GRHL2: variants seen among roughly 807,000 people sequenced by gnomAD.
GRHL2 encodes the protein grainyhead-like protein 2 homolog.
In GRHL2, 21 loss-of-function variants were observed where a neutral mutation model predicts 83.8. The ratio of observed to expected loss-of-function variants is 0.25; its 90% CI spans 0.18 to 0.36. GRHL2 has a LOEUF of 0.36. Ranked by LOEUF, GRHL2 falls within the 10% of genes least tolerant of loss-of-function variation. The probability of loss-of-function intolerance (pLI) is 1.00; values close to 1 mark genes in which losing one functional copy is unlikely to be tolerated. For missense variants in GRHL2, 623 were observed against 781.8 expected (o/e 0.80, Z 2.42); for synonymous variants, 280 against 278.9 (o/e 1.00, Z -0.04).
intron 13 of GRHL2, among the ~76,000 whole-genome samples, chr8:101,646,584 G>T (rs1018046566): frequency 6.6e-6 from 1 of 152,208 alleles, no homozygotes; most frequent in African/African-American, 2.4e-5. Flanking sequence ...ACAAATAGGG[G>T]AATAAGGCTC....
At chr8:101,651,627 G>A (rs988964806) in intron 14 of GRHL2, among the ~76,000 whole-genome samples, 4 of 152,120 alleles carry the variant, frequency 2.6e-5, no homozygotes, top group African/African-American at 4.8e-5. Context: ...CAGCAGCTCA[G>A]CAACCTCTGC....
the GRHL2 span, among the ~76,000 whole-genome samples, chr8:101,676,490 G>A: frequency 6.6e-6 from 1 of 152,166 alleles, no homozygotes; most frequent in African/African-American, 2.4e-5. Context: ...TCAGAGAAAT[G>A]CACATCAAAA....
intron 15 of GRHL2, among the ~76,000 whole-genome samples, chr8:101,665,233 C>T (rs544364386): frequency 3.2e-4 from 49 of 152,240 alleles, no homozygotes; most frequent in African/African-American, 1.1e-3. Context: ...CACGTTCTGC[C>T]GTCTGACTTT....
intron 1 of GRHL2, among the ~76,000 whole-genome samples, chr8:101,523,291 A>G (rs1489442256): frequency 6.6e-6 from 1 of 151,970 alleles, no homozygotes; most frequent in African/African-American, 2.4e-5. Flanking sequence ...TGTACAATAA[A>G]AACCTCTTTC....
At chr8:101,538,657 AAT>A (rs1462922763) in intron 1 of GRHL2, among the ~76,000 whole-genome samples, 7 of 152,246 alleles carry the variant, frequency 4.6e-5, no homozygotes, top group African/African-American at 1.7e-4. Context: ...CCAAAAGAGC[AAT>A]GATAAAACAG....
chr8:101,670,283 C>T (rs1814183897), downstream of GRHL2, among the ~76,000 whole-genome samples: 1 of 152,250 alleles, frequency 6.6e-6, no homozygotes, highest in South Asian at 2.1e-4. Flanking sequence ...ACTCCTTTAA[C>T]TGCTGTCCAT....
chr8:101,623,926 C>T (rs1028163294), intron 9 of GRHL2, among the ~76,000 whole-genome samples: 2 of 149,510 alleles, frequency 1.3e-5, no homozygotes, highest in Admixed American at 6.7e-5. Flanking sequence ...CACAGTAGAA[C>T]AGGTCACAGT....
At chr8:101,547,849 C>T (rs943448580) in intron 2 of GRHL2, among the ~76,000 whole-genome samples, 1 of 152,096 alleles carries the variant, frequency 6.6e-6, no homozygotes, top group Non-Finnish European at 1.5e-5. Flanking sequence ...AAATTCTAGC[C>T]CAGTTCTCTA....
intron 4 of GRHL2, chr8:101,562,518 A>G: frequency 3.7e-6 from 1 of 270,734 alleles, no homozygotes; most frequent in Non-Finnish European, 6.9e-6. Flanking sequence ...CCACCAACCA[A>G]ACACCAAGCT....
chr8:101,508,697 G>A (rs1810388918), intron 1 of GRHL2, among the ~76,000 whole-genome samples: 1 of 152,098 alleles, frequency 6.6e-6, no homozygotes, highest in Admixed American at 6.5e-5. Context: ...TCAAGGGTGA[G>A]TTCGGGATGA....
the GRHL2 span, among the ~76,000 whole-genome samples, chr8:101,678,399 A>T: frequency 6.6e-6 from 1 of 152,124 alleles, no homozygotes; most frequent in Admixed American, 6.5e-5. Flanking sequence ...GCGCACCACG[A>T]GATTATATCC....
intron 11 of GRHL2, among the ~76,000 whole-genome samples, chr8:101,633,709 A>C (rs778840098): frequency 6.6e-6 from 1 of 152,194 alleles, no homozygotes; most frequent in Non-Finnish European, 1.5e-5. Flanking sequence ...TAATTTATCA[A>C]GATAAGCATG....
At chr8:101,677,449 A>G in the GRHL2 span, among the ~76,000 whole-genome samples, 1 of 151,948 alleles carries the variant, frequency 6.6e-6, no homozygotes, top group Non-Finnish European at 1.5e-5. Flanking sequence ...CCAAGATTGT[A>G]TATAGTGCTT....
chr8:101,659,609 C>T (rs1813875868), intron 14 of GRHL2, among the ~76,000 whole-genome samples: 1 of 152,220 alleles, frequency 6.6e-6, no homozygotes, highest in Admixed American at 6.5e-5. Context: ...AATCTTCGCT[C>T]AGAGCCCTCT....
intron 2 of GRHL2, 71 bp downstream of exon 2, chr8:101,543,507 C>T: frequency 7.0e-7 from 1 of 1,423,500 alleles, no homozygotes; most frequent in Non-Finnish European, 9.9e-7. Flanking sequence ...GAAGAAGGAA[C>T]AGATTGTTTG....
chr8:101,548,608 A>G (rs186244787), intron 2 of GRHL2, among the ~76,000 whole-genome samples: 261 of 152,330 alleles, frequency 1.7e-3, no homozygotes, highest in African/African-American at 5.9e-3. Context: ...TCTGAGGAGA[A>G]CAATAATTAA....
At chr8:101,539,861 G>A (rs10955256) in intron 1 of GRHL2, among the ~76,000 whole-genome samples, 72,365 of 151,858 alleles carry the variant, frequency 0.48, 18,187 homozygotes, top group Non-Finnish European at 0.55. Context: ...CCCCTCTGTC[G>A]TGTGCCCTCA....
At chr8:101,616,607 G>T (rs1035349183) in intron 8 of GRHL2, among the ~76,000 whole-genome samples, 4 of 152,120 alleles carry the variant, frequency 2.6e-5, no homozygotes, top group Non-Finnish European at 4.4e-5. Context: ...GAATGTGTGG[G>T]TTTGTATTTC....
rs149731715 is a variant in GRHL2, at chr8:101,569,167, T to G, written c.679-1172T>G. 4.8e-3 allele frequency among the ~76,000 whole-genome samples: 736 copies of G among 152,338 alleles called. 6 individuals are homozygous for G. The highest frequency in any genetic ancestry group is 0.017 in the African/African-American group (695 of 41,580). On this transcript the variant is annotated intron_variant, in intron 4 of 15. Transcript: ENST00000646743. ...ATGAAATGCTTTTTCATCAGTATTCTACAATATTCGCTTCCGATCAAGAAT... is the reference window on the plus strand; with the variant it reads ...ATGAAATGCTTTTTCATCAGTATTCGACAATATTCGCTTCCGATCAAGAAT...
Sources: gnomAD v4.1 joint callset for allele counts (sites outside exome capture counted in the v4.1 genomes callset) on GRCh38, gnomAD v4.1.1 for gene constraint, MANE v1.5 for transcripts, NCBI Gene and HGNC (gene_info 2026-07-23, HGNC 2026-07-21) for gene names.